The following GNG7 variants were observed in gnomAD, a reference collection of about 807,000 sequenced individuals.
The protein encoded by GNG7 is guanine nucleotide-binding protein G(I)/G(S)/G(O) subunit gamma-7.
In GNG7, 1 loss-of-function variant was observed where a neutral mutation model predicts 4.0. The observed-to-expected ratio is 0.25, with a 90% CI of 0.09 to 1.18. The LOEUF (loss-of-function observed/expected upper bound fraction) is 1.18. GNG7 is among the 50% of genes most tolerant of loss of function. GNG7 has a pLI of 0.50. For synonymous variants in GNG7, 34 were observed against 36.9 expected (o/e 0.92, Z 0.29); for missense variants, 86 against 91.9 (o/e 0.94, Z 0.26).
chr19:2,650,553 C>T (rs1188945795), intron 1 of GNG7, among the ~76,000 whole-genome samples: 2 of 152,196 alleles, frequency 1.3e-5, no homozygotes, highest in Non-Finnish European at 2.9e-5. Context: ...GTCCCCAGCC[C>T]TTTAACCCCA....
intron 1 of GNG7, among the ~76,000 whole-genome samples, chr19:2,674,024 G>T (rs1052847302): frequency 6.6e-6 from 1 of 152,174 alleles, no homozygotes; most frequent in Non-Finnish European, 1.5e-5. Context: ...AGCACTTTGG[G>T]AGGCCAAGGT....
rs1983151200 is a variant in GNG7, at chr19:2,661,286, GAAAGAAAGAAAGAAAGA to G, written c.-134-15023_-134-15007del. Among the ~76,000 whole-genome samples, 6 of 37,296 alleles carry G rather than the reference GAAAGAAAGAAAGAAAGA, an allele frequency of 1.6e-4. 1 individual carries two copies. In the East Asian group the frequency reaches 4.3e-3, roughly 27 times the overall value. 24.5% of individuals were successfully genotyped at this position (37,296 alleles called of 152,430 possible). A position where few individuals can be genotyped will look rare whatever the true frequency, so the allele number is the denominator to read the frequency against. On this transcript the variant is annotated intron_variant, in intron 1 of 4. Coordinates refer to ENST00000382159, the MANE Select transcript of GNG7 (RefSeq NM_052847.3). ...GAAAGAAAGAAAAGAAAGAAAGAAA[GAAAGAAAGAAAGAAAGA>G]GAAAGAAAGAAAGAAAGAAAGAAAG...
In GNG7 at chr19:2,633,491, A is replaced by ACACACACGCGCG. The variant is rs1555698928; in HGVS notation, c.-78+12732_-78+12733insCGCGCGTGTGTG. Among the ~76,000 whole-genome samples, 6 of 82,864 alleles carry ACACACACGCGCG rather than the reference A, an allele frequency of 7.2e-5. No homozygotes were observed. The highest frequency in any genetic ancestry group is 4.3e-4 in the African/African-American group (6 of 13,870). The allele number at this position is 82,864 out of a possible 152,430, so 54.4% of individuals were successfully genotyped here. On this transcript the variant is annotated intron_variant, in intron 2 of 4. Coordinates refer to ENST00000382159, the MANE Select transcript of GNG7 (RefSeq NM_052847.3). This position sits in a 1 kb window ranked among gnomAD's most constrained non-coding sequence, Gnocchi z 5.9. ...AACAGGCGCGCGCGCGCGCGCGCACACACACACACACACACACACACACAC... is the reference window on the plus strand; with the variant it reads ...AACAGGCGCGCGCGCGCGCGCGCACACACACACGCGCGCACACACACACACACACACACACAC...
chr19:2,685,858 A>T (rs1026721468), intron 1 of GNG7, among the ~76,000 whole-genome samples: 1 of 152,140 alleles, frequency 6.6e-6, no homozygotes, highest in Non-Finnish European at 1.5e-5. Flanking sequence ...CAGTGAAAAG[A>T]GGCCACTAAG....
chr19:2,693,220 C>T (rs1248461979), intron 1 of GNG7, among the ~76,000 whole-genome samples: 5 of 151,400 alleles, frequency 3.3e-5, no homozygotes, highest in Admixed American at 3.3e-4. Context: ...GAGTTTGAGA[C>T]CAGTCTAGGC....
intron 3 of GNG7, among the ~76,000 whole-genome samples, chr19:2,549,868 A>C (rs755119018): frequency 6.6e-6 from 1 of 152,222 alleles, no homozygotes; most frequent in African/African-American, 2.4e-5. Flanking sequence ...CCTCTGTCCC[A>C]AGATGAGGTT....
chr19:2,643,729 C>T (rs1982584044), intron 2 of GNG7: 1 of 435,720 alleles, frequency 2.3e-6, no homozygotes, highest in Non-Finnish European at 4.6e-6. Context: ...ACACACCCTG[C>T]GATGCACACT....
intron 1 of GNG7, among the ~76,000 whole-genome samples, chr19:2,657,361 A>AAAATATATAT (rs1555701153): frequency 1.2e-4 from 2 of 16,340 alleles, no homozygotes. Flanking sequence ...AAAAAAAAAA[A>AAAATATATAT]ATATATATAT....
intron 2 of GNG7, among the ~76,000 whole-genome samples, chr19:2,573,135 C>T (rs1980201483): frequency 1.3e-5 from 2 of 151,176 alleles, no homozygotes; most frequent in Non-Finnish European, 2.9e-5. Context: ...AAGCGATTCT[C>T]CTGCCTCAGC....
At chr19:2,523,807 G>A (rs769664794) in intron 3 of GNG7, among the ~76,000 whole-genome samples, 5 of 152,108 alleles carry the variant, frequency 3.3e-5, no homozygotes, top group Non-Finnish European at 7.3e-5. Context: ...TGACTCCACG[G>A]CGATCTCAAT....
chr19:2,646,993 G>A (rs953295172), intron 1 of GNG7, among the ~76,000 whole-genome samples: 1 of 152,174 alleles, frequency 6.6e-6, no homozygotes, highest in Non-Finnish European at 1.5e-5. Flanking sequence ...CTGCATCCTG[G>A]GAAGTCCCTC....
At chr19:2,652,988 A>C (rs1458496801) in intron 1 of GNG7, among the ~76,000 whole-genome samples, 4 of 151,818 alleles carry the variant, frequency 2.6e-5, no homozygotes, top group Non-Finnish European at 4.4e-5. Flanking sequence ...TTTGCTGGGC[A>C]TGGTGGCTCC....
Position 2,513,619 on chromosome 19 carries a change from A to C in GNG7, c.*1403T>G. 1 of 980,476 alleles carries C rather than the reference A, an allele frequency of 1.0e-6. No individual in the cohort carries two copies. Among genetic ancestry groups the C allele is most frequent in the Non-Finnish European group, 1.2e-6 (1 of 825,474 alleles). The allele number at this position is 980,476 out of a possible 1,614,324, so 60.7% of individuals were successfully genotyped here. ...GCCTCAGACAGCCGTCCTGGGTTGC[A>C]CGGGGGTGGAAAAGCAAAAAGATCG... On this transcript the variant is annotated 3_prime_UTR_variant, in exon 5 of 5. Coordinates refer to ENST00000382159, the MANE Select transcript of GNG7 (RefSeq NM_052847.3).
chr19:2,613,276 A>G (rs922379574), intron 2 of GNG7, among the ~76,000 whole-genome samples: 2 of 152,168 alleles, frequency 1.3e-5, no homozygotes, highest in African/African-American at 4.8e-5. Flanking sequence ...TTAGGTGTTG[A>G]ATTAACACAT....
At chr19:2,594,297 T>C (rs1196727171) in intron 2 of GNG7, among the ~76,000 whole-genome samples, 1 of 151,568 alleles carries the variant, frequency 6.6e-6, no homozygotes, top group Admixed American at 6.6e-5. Context: ...CGCTTGAACC[T>C]GGGAGGTAGA....
intron 3 of GNG7, among the ~76,000 whole-genome samples, chr19:2,526,852 CT>C (rs972238190): frequency 2.3e-4 from 33 of 145,688 alleles, no homozygotes; most frequent in Non-Finnish European, 2.3e-4. Context: ...TTTATCTTAA[CT>C]TTTTTTTTTT....
intron 2 of GNG7, among the ~76,000 whole-genome samples, chr19:2,570,305 T>C (rs1241667893): frequency 2.6e-5 from 4 of 152,170 alleles, no homozygotes; most frequent in Non-Finnish European, 4.4e-5. Context: ...GTATGGTCTG[T>C]AGAACTGTGA....
intron 2 of GNG7, among the ~76,000 whole-genome samples, chr19:2,623,668 G>T (rs1008134408): frequency 6.6e-6 from 1 of 152,074 alleles, no homozygotes; most frequent in Non-Finnish European, 1.5e-5. Context: ...ATCACTTGAG[G>T]TCAGGAGTTG....
intron 1 of GNG7, among the ~76,000 whole-genome samples, chr19:2,674,907 A>G (rs1983557404): frequency 6.6e-6 from 1 of 152,190 alleles, no homozygotes; most frequent in Non-Finnish European, 1.5e-5. Context: ...AAACTGTGCC[A>G]TTGTACGTCA....
Sources: gnomAD v4.1 joint callset for allele counts (sites outside exome capture counted in the v4.1 genomes callset) on GRCh38, gnomAD v4.1.1 for gene constraint, Gnocchi (gnomAD v3.1) non-coding constraint, MANE v1.5 for transcripts, NCBI Gene and HGNC (gene_info 2026-07-23, HGNC 2026-07-21) for gene names.